Variants in NHS observed in about 807,000 individuals in gnomAD.
The protein encoded by NHS is actin remodeling regulator NHS.
In NHS, 5 loss-of-function variants were observed where a neutral mutation model predicts 72.5. That is an observed-to-expected ratio of 0.07 (90% CI 0.04 to 0.14). NHS has a LOEUF of 0.14. NHS is among the 10% of genes least tolerant of loss of function. The pLI is 1.00. For missense variants in NHS, 1,072 were observed against 1,355.7 expected (o/e 0.79, Z 3.29); for synonymous variants, 464 against 547.7 (o/e 0.85, Z 2.13).
chrX:17,596,556 G>A (rs1601793060), intron 1 of NHS, among the ~76,000 whole-genome samples: 1 of 112,138 alleles, frequency 8.9e-6, no homozygotes, highest in East Asian at 2.8e-4. Context: ...AAGGTTAAGG[G>A]TTAGGATGTG....
chrX:17,575,196 C>G (rs1311165475), intron 1 of NHS, among the ~76,000 whole-genome samples: 2 of 112,250 alleles, frequency 1.8e-5, no homozygotes, highest in Admixed American at 9.4e-5. Flanking sequence ...GGGTCACACA[C>G]TGGCGTGCCC....
chrX:17,697,928 CAA>C (rs752848645), intron 3 of NHS, among the ~76,000 whole-genome samples: 7 of 81,111 alleles, frequency 8.6e-5, no homozygotes, highest in Admixed American at 2.7e-4. Context: ...AGACTACTAG[CAA>C]AAAAAAAAAA....
At position 17,734,696 on chromosome X, in the gene NHS, G is replaced by A. The variant is rs1218922049; in HGVS notation, c.*2232G>A. On this transcript the variant is annotated 3_prime_UTR_variant, in exon 9 of 9. Coordinates refer to ENST00000676302, the MANE Select transcript of NHS (RefSeq NM_001291867.2). Reference sequence around the variant, plus strand: ...CCCATTAATTAAGAAAACCAGCATGGTTTGACACCACATGGGAACATGAAT... The same window carrying A: ...CCCATTAATTAAGAAAACCAGCATGATTTGACACCACATGGGAACATGAAT... 1.8e-5 allele frequency: 2 copies of A among 112,657 alleles called. No homozygotes were observed. The highest frequency in any genetic ancestry group is 3.8e-5 in the Non-Finnish European group (2 of 53,264). 9.3% of individuals were successfully genotyped at this position (112,657 alleles called of 1,213,427 possible).
In NHS at chrX:17,735,362, G is replaced by A. The variant is rs2066517424; in HGVS notation, c.*2898G>A. On this transcript the variant is annotated 3_prime_UTR_variant, in exon 9 of 9. Coordinates refer to ENST00000676302, the MANE Select transcript of NHS (RefSeq NM_001291867.2). ...GCAGGGTACACACGTTAGGTATTGT[G>A]AAGAACATCAATCCGAACTTTTCTT... The A allele has an allele frequency of 8.8e-6, 1 of 113,221 alleles. No homozygotes were observed. The highest frequency in any genetic ancestry group is 9.3e-5 in the Admixed American group (1 of 10,758). 9.3% of individuals were successfully genotyped at this position (113,221 alleles called of 1,213,427 possible).
chrX:17,540,570 G>A (rs1601757174), intron 1 of NHS, among the ~76,000 whole-genome samples: 1 of 112,075 alleles, frequency 8.9e-6, no homozygotes, highest in East Asian at 2.8e-4. Context: ...AAAACTACTA[G>A]GCATCTGATT....
rs375453021 is a variant in NHS, at chrX:17,725,525, A to C, written c.1419A>C (p.Ala473=). ...RIRAQRGQSI[A]ASLSHSAGNI... ...GAGCTCAAAGGGGTCAAAGCATTGC[A>C]GCTTCCCTTTCTCATTCTGCTGGCA... Residue 473 remains alanine, a synonymous_variant, in exon 7 of 9, where the codon GCA becomes GCC. Transcript: ENST00000676302. The C allele has an allele frequency of 3.3e-6, 4 of 1,209,683 alleles. No homozygotes were observed. In the African/African-American group the frequency reaches 5.3e-5, roughly 16 times the overall value.
chrX:17,512,311 T>C (rs1201181064), intron 1 of NHS, among the ~76,000 whole-genome samples: 1 of 112,083 alleles, frequency 8.9e-6, no homozygotes, highest in Non-Finnish European at 1.9e-5. Context: ...TAATAAAAAT[T>C]GTAGTTTTAC....
At chrX:17,730,676 G>C (rs1477011237) in intron 8 of NHS, among the ~76,000 whole-genome samples, 2 of 112,572 alleles carry the variant, frequency 1.8e-5, no homozygotes, top group East Asian at 5.5e-4. Flanking sequence ...TGGGAGTCAA[G>C]GTTCAATAGA....
At chrX:17,498,469 A>T (rs2065023077) in intron 1 of NHS, among the ~76,000 whole-genome samples, 1 of 111,669 alleles carries the variant, frequency 9.0e-6, no homozygotes, top group Non-Finnish European at 1.9e-5. Context: ...ATCCAACACC[A>T]CCTGATTTTG....
chrX:17,634,170 T>G (rs1420577956), intron 1 of NHS, among the ~76,000 whole-genome samples: 1 of 112,153 alleles, frequency 8.9e-6, no homozygotes, highest in East Asian at 2.8e-4. Flanking sequence ...TCTGGGTCAT[T>G]TCTCTGAGGT....
chrX:17,565,440 T>C (rs1220394666), intron 1 of NHS, among the ~76,000 whole-genome samples: 1 of 112,681 alleles, frequency 8.9e-6, no homozygotes, highest in East Asian at 2.8e-4. Context: ...GATTTTGGAA[T>C]GGCTTGTTAT....
chrX:17,509,713 T>C (rs897667680), intron 1 of NHS, among the ~76,000 whole-genome samples: 4 of 112,219 alleles, frequency 3.6e-5, no homozygotes, highest in African/African-American at 1.3e-4. Flanking sequence ...TCACACAGCT[T>C]AAAGGTAGAC....
chrX:17,567,042 C>T (rs1035576755), intron 1 of NHS, among the ~76,000 whole-genome samples: 23 of 112,227 alleles, frequency 2.0e-4, no homozygotes, highest in African/African-American at 7.1e-4. Context: ...TGGCCTTTTC[C>T]GTTATGAAGC....
chrX:17,578,583 C>A (rs904350267), intron 1 of NHS, among the ~76,000 whole-genome samples: 2 of 111,849 alleles, frequency 1.8e-5, no homozygotes, highest in African/African-American at 6.5e-5. Flanking sequence ...TCCTATATAT[C>A]GAAATACTCA....
At position 17,732,665 on chromosome X, in the gene NHS, A is replaced by C; in HGVS notation, c.*201A>C. 2.0e-6 allele frequency: 1 copy of C among 508,323 alleles called. No individual in the cohort carries two copies. Among genetic ancestry groups the C allele is most frequent in the East Asian group, 3.8e-5 (1 of 26,310 alleles). The allele number at this position is 508,323 out of a possible 1,213,427, so 41.9% of individuals were successfully genotyped here. ...CTTGATTAGTTTCCATATTTTAAGT[A>C]GCTGCAGTCTTTCATGTTTTTCTTT... is the stretch of plus-strand genomic sequence containing the variant. On this transcript the variant is annotated 3_prime_UTR_variant, in exon 9 of 9. Coordinates refer to ENST00000676302, the MANE Select transcript of NHS (RefSeq NM_001291867.2).
intron 1 of NHS, among the ~76,000 whole-genome samples, chrX:17,553,111 C>T (rs1295539030): frequency 1.8e-5 from 2 of 112,776 alleles, no homozygotes; most frequent in East Asian, 5.6e-4. Context: ...GGGGTCCTAC[C>T]CTCCTCCTCC....
chrX:17,555,290 C>T (rs1285069114), intron 1 of NHS, among the ~76,000 whole-genome samples: 1 of 106,987 alleles, frequency 9.3e-6, no homozygotes, highest in African/African-American at 3.5e-5. Context: ...TTTATCTGTC[C>T]CCTCACTAGA....
At chrX:17,649,998 G>T (rs1032799411) in intron 1 of NHS, among the ~76,000 whole-genome samples, 8 of 111,840 alleles carry the variant, frequency 7.2e-5, no homozygotes, top group African/African-American at 2.6e-4. Context: ...CTTGCTCCAG[G>T]GAAGTAAGCC....
chrX:17,554,645 T>C (rs1466874657), intron 1 of NHS, among the ~76,000 whole-genome samples: 1 of 111,644 alleles, frequency 9.0e-6, no homozygotes, highest in Admixed American at 9.5e-5. Context: ...CAAGGAACTG[T>C]GTCGTGGTTG....
Sources: allele counts gnomAD v4.1 joint callset (sites outside exome capture counted in the v4.1 genomes callset), GRCh38; gene constraint gnomAD v4.1.1; transcripts MANE v1.5; gene names NCBI Gene and HGNC (gene_info 2026-07-23, HGNC 2026-07-21).